MAP4: variants seen among roughly 807,000 people sequenced by gnomAD.
MAP4 encodes the protein microtubule associated protein 4.
MAP4 carries 76 observed loss-of-function variants against 170.2 expected under a neutral mutation model. That is an observed-to-expected ratio of 0.45 (90% CI 0.37 to 0.54). MAP4 has a LOEUF of 0.54. Ranked by LOEUF, MAP4 falls within the 20% of genes least tolerant of loss-of-function variation. The pLI is 0.00. For missense variants in MAP4, 2,506 were observed against 2,748.0 expected, an observed-to-expected ratio of 0.91 and a Z score of 1.97; for synonymous variants, 909 against 994.5, an observed-to-expected ratio of 0.91 and a Z score of 1.62.
At chr3:48,004,557 A>G (rs1207617690) in intron 1 of MAP4, among the ~76,000 whole-genome samples, 1 of 152,190 alleles carries the variant, frequency 6.6e-6, no homozygotes, top group Non-Finnish European at 1.5e-5. Flanking sequence ...CCTGAGTGAG[A>G]GTCTTAGCTC....
At chr3:47,922,244 T>C (rs2153703389) in intron 4 of MAP4, among the ~76,000 whole-genome samples, 1 of 152,306 alleles carries the variant, frequency 6.6e-6, no homozygotes, top group East Asian at 1.9e-4. Flanking sequence ...CCACCATGCC[T>C]GGCCAATATT....
At chr3:47,968,430 A>C (rs1383513846) in intron 3 of MAP4, among the ~76,000 whole-genome samples, 1 of 152,232 alleles carries the variant, frequency 6.6e-6, no homozygotes, top group Admixed American at 6.5e-5. Flanking sequence ...TGAAATTAGA[A>C]AGTAAACAGA....
In MAP4 at chr3:47,985,150, C is replaced by T. The variant is rs570680083; in HGVS notation, c.224-7217G>A. Among the ~76,000 whole-genome samples, 36 of 151,872 alleles carry T rather than the reference C, an allele frequency of 2.4e-4. No homozygotes were observed. In the East Asian group the frequency reaches 6.0e-3, roughly 25 times the overall value. ...CAAAAATTAGCCAGGCATGGTGGTG[C>T]ATGCCTGTAATCCCAGCTACTCGGG... On this transcript the variant is annotated intron_variant, in intron 2 of 20. Transcript: ENST00000683076.
intron 10 of MAP4, among the ~76,000 whole-genome samples, chr3:47,882,831 G>C (rs2096976197): frequency 6.6e-6 from 1 of 151,750 alleles, no homozygotes; most frequent in Non-Finnish European, 1.5e-5. Flanking sequence ...TTTAAAGACA[G>C]AGTCTCACTC....
intron 10 of MAP4, among the ~76,000 whole-genome samples, chr3:47,888,392 C>T: frequency 6.6e-6 from 1 of 152,202 alleles, no homozygotes; most frequent in Non-Finnish European, 1.5e-5. Flanking sequence ...AGCTGTAACA[C>T]TCACCGCGAA....
Position 47,852,722 on chromosome 3 carries a change from C to T in MAP4, c.*212G>A, listed in dbSNP as rs891167995. On this transcript the variant is annotated 3_prime_UTR_variant, in exon 21 of 21. Transcript: ENST00000683076. Reference sequence around the variant, plus strand: ...GTGTGGGGCAGGGCTGCTGCTGCCCCGGGCACGCAAAGCAGGAGGGAAGGC... The same window carrying T: ...GTGTGGGGCAGGGCTGCTGCTGCCCTGGGCACGCAAAGCAGGAGGGAAGGC... 54 of 1,515,300 alleles carry T rather than the reference C, an allele frequency of 3.6e-5. 1 individual carries two copies. The highest frequency in any genetic ancestry group is 1.0e-4 in the South Asian group (8 of 80,208). The allele number at this position is 1,515,300 out of a possible 1,614,324, so 93.9% of individuals were successfully genotyped here.
chr3:47,892,506 T>C, intron 10 of MAP4: 1 of 1,503,358 alleles, frequency 6.7e-7, no homozygotes, highest in Non-Finnish European at 8.8e-7. Flanking sequence ...TCTCCTCCAC[T>C]GCTCTCCCTG....
chr3:48,057,610 AAAATAAAT>A (rs138347920), intron 1 of MAP4, among the ~76,000 whole-genome samples: 1 of 127,114 alleles, frequency 7.9e-6, no homozygotes, highest in Admixed American at 8.3e-5. Flanking sequence ...TATCAATAAA[AAAATAAAT>A]AAATAAATAA....
intron 10 of MAP4, chr3:47,892,154 G>T (rs1559933919): frequency 2.0e-6 from 3 of 1,536,222 alleles, no homozygotes; most frequent in Non-Finnish European, 2.6e-6. Flanking sequence ...GGGATGGCAG[G>T]TCTCTGAAAT....
At chr3:48,011,998 C>A (rs1422904613) in intron 1 of MAP4, among the ~76,000 whole-genome samples, 1 of 152,156 alleles carries the variant, frequency 6.6e-6, no homozygotes, top group East Asian at 1.9e-4. Context: ...CTGGGTAAAT[C>A]CTGAGATCGG....
intron 3 of MAP4, chr3:47,974,172 T>C: frequency 1.0e-6 from 1 of 963,922 alleles, no homozygotes; most frequent in Non-Finnish European, 1.2e-6. Flanking sequence ...ACACCTGTAA[T>C]CCCAGCACTT....
At chr3:48,012,216 G>A (rs1579234408) in intron 1 of MAP4, among the ~76,000 whole-genome samples, 1 of 152,090 alleles carries the variant, frequency 6.6e-6, no homozygotes, top group Non-Finnish European at 1.5e-5. Context: ...GCCATATTAC[G>A]GAACTTTCCT....
chr3:47,852,227 T>A lies in MAP4; in HGVS notation c.*707A>T, dbSNP rs1247119305. 5 of 153,586 alleles carry A rather than the reference T, an allele frequency of 3.3e-5. No individual in the cohort carries two copies. The highest frequency in any genetic ancestry group is 2.0e-4 in the South Asian group (1 of 4,896). The allele number at this position is 153,586 out of a possible 1,614,324, so 9.5% of individuals were successfully genotyped here. On this transcript the variant is annotated 3_prime_UTR_variant, in exon 21 of 21. Transcript: ENST00000683076. Reference sequence around the variant, plus strand: ...ATGGCTTCAACCTGCAGAACTATTTTGCCAGTTTTTAGGTTATTAGAAAAA... The same window carrying A: ...ATGGCTTCAACCTGCAGAACTATTTAGCCAGTTTTTAGGTTATTAGAAAAA...
At chr3:47,924,092 T>A (rs1020153050) in intron 4 of MAP4, among the ~76,000 whole-genome samples, 2 of 152,200 alleles carry the variant, frequency 1.3e-5, no homozygotes, top group African/African-American at 4.8e-5. Flanking sequence ...TAGTCATTAA[T>A]TTTTTACTGG....
At chr3:48,002,145 A>G (rs1167509721) in intron 1 of MAP4, among the ~76,000 whole-genome samples, 1 of 151,890 alleles carries the variant, frequency 6.6e-6, no homozygotes, top group East Asian at 1.9e-4. Context: ...ATAGTGTGCA[A>G]TGATCACGTC....
In MAP4 at chr3:47,877,446, G is replaced by C. The variant is rs758995276; in HGVS notation, c.5512C>G (p.Leu1838Val). The stretch of plus-strand genomic sequence containing the variant: ...GTTTTCTTCTCTGGGCTTGGTGGGA[G>C]CTCCTTGTTCGGTGGGGTGGTGATG... Reference protein sequence around the residue: ...NDITTPPNKELPPSPEKKTKP... With the variant: ...NDITTPPNKEVPPSPEKKTKP... The change falls in exon 11 of 21, where the codon CTC becomes GTC. Residue 1838 changes from leucine (L) to valine (V), a missense_variant. Leu to Val is a conservative substitution (Grantham distance 32, BLOSUM62 1). Around this residue, in one of 3 missense-constraint regions of MAP4, gnomAD observed 2,008 missense variants for 2,206.0 expected, o/e 0.91. Coordinates refer to ENST00000683076, the MANE Select transcript of MAP4 (RefSeq NM_001385682.1). The C allele has an allele frequency of 6.2e-7, 1 of 1,613,980 alleles. No individual in the cohort carries two copies. Among genetic ancestry groups the C allele is most frequent in the African/African-American group, 1.3e-5 (1 of 74,924 alleles).
chr3:47,887,087 T>G (rs1368984933), intron 10 of MAP4, among the ~76,000 whole-genome samples: 1 of 152,242 alleles, frequency 6.6e-6, no homozygotes, highest in African/African-American at 2.4e-5. Context: ...CTCCTCTGCC[T>G]GGGTTCCCAC....
chr3:47,946,264 C>T (rs924761418), intron 3 of MAP4, among the ~76,000 whole-genome samples: 1 of 151,632 alleles, frequency 6.6e-6, no homozygotes, highest in African/African-American at 2.4e-5. Context: ...ATGCTCAGGA[C>T]TATTACACTA....
rs1318079205 is a variant in MAP4, at chr3:47,850,864, CAG to C, written c.*2068_*2069del. Reference sequence around the variant, plus strand: ...ACAGGGCCTCTGGTCCCGGCCTTCTCAGGTGCTCTGGAGTGGAGGATCCTTTG... The same window carrying C: ...ACAGGGCCTCTGGTCCCGGCCTTCTCGTGCTCTGGAGTGGAGGATCCTTTG... On this transcript the variant is annotated 3_prime_UTR_variant, in exon 21 of 21. Coordinates refer to ENST00000683076, the MANE Select transcript of MAP4 (RefSeq NM_001385682.1). 6 of 142,332 alleles carry C rather than the reference CAG, an allele frequency of 4.2e-5. No individual in the cohort carries two copies. In the Admixed American group the frequency reaches 4.2e-4, roughly 10 times the overall value. 8.8% of individuals were successfully genotyped at this position (142,332 alleles called of 1,614,324 possible). A position where few individuals can be genotyped will look rare whatever the true frequency, so the allele number is the denominator to read the frequency against.
Sources: gnomAD v4.1 joint callset for allele counts (sites outside exome capture counted in the v4.1 genomes callset) on GRCh38, gnomAD v4.1.1 for gene constraint, gnomAD v4.1.1 regional missense constraint, MANE v1.5 for transcripts, NCBI Gene and HGNC (gene_info 2026-07-23, HGNC 2026-07-21) for gene names.